Variants in PLXDC2 observed in about 807,000 individuals in gnomAD.
PLXDC2 encodes the protein plexin domain containing 2, also known as plexin domain-containing protein 2.
A neutral mutation model predicts 68.9 loss-of-function variants in PLXDC2; 40 were observed. The observed-to-expected ratio is 0.58, with a 90% CI of 0.45 to 0.76. PLXDC2 has a LOEUF of 0.76. Among genes scored for constraint, PLXDC2 ranks in the 30% least tolerant of loss-of-function variants. The pLI, the probability that PLXDC2 is intolerant of heterozygous loss-of-function variation, is 0.00. For missense variants in PLXDC2, 644 were observed against 661.9 expected (o/e 0.97, Z 0.30); for synonymous variants, 243 against 234.2 (o/e 1.04, Z -0.34).
At position 20,063,256 on chromosome 10, in the gene PLXDC2, C is replaced by T. The variant is rs185845228; in HGVS notation, c.472-4914C>T. Among the ~76,000 whole-genome samples, 578 of 152,252 alleles carry T rather than the reference C, an allele frequency of 3.8e-3. 1 individual carries two copies. Among genetic ancestry groups the T allele is most frequent in the Non-Finnish European group, 6.2e-3 (421 of 68,022 alleles). ...TCAGCAATTATTAAAATCACGGTGA[C>T]TACTAATTTTCTTCCTACAAGCCAC... On this transcript the variant is annotated intron_variant, in intron 3 of 13. Coordinates refer to ENST00000377252, the MANE Select transcript of PLXDC2 (RefSeq NM_032812.9).
chr10:20,132,523 T>G (rs1218614443), intron 4 of PLXDC2, among the ~76,000 whole-genome samples: 1 of 152,182 alleles, frequency 6.6e-6, no homozygotes, highest in Non-Finnish European at 1.5e-5. Context: ...TATATATTTA[T>G]GTTCTTAATA....
At chr10:19,824,723 A>G (rs1003547810) in intron 1 of PLXDC2, among the ~76,000 whole-genome samples, 14 of 152,208 alleles carry the variant, frequency 9.2e-5, no homozygotes, top group African/African-American at 3.4e-4. Context: ...TTATACATTA[A>G]CAGGATAATA....
In PLXDC2 at chr10:20,001,767, TCAAA is replaced by T; in HGVS notation, c.113-5_113-2del. The T allele has an allele frequency of 6.2e-7, 1 of 1,613,646 alleles. No individual in the cohort carries two copies. Among genetic ancestry groups the T allele is most frequent in the Non-Finnish European group, 8.5e-7 (1 of 1,179,658 alleles). ...AGTGGTAACCCATTTTCTTTCTTTT[TCAAA>T]CAGATTGGCAGTATGGAGTTACTCA... On this transcript the variant is annotated splice_polypyrimidine_tract_variant and splice_region_variant and intron_variant, in intron 1 of 13. Coordinates refer to ENST00000377252, the MANE Select transcript of PLXDC2 (RefSeq NM_032812.9).
intron 6 of PLXDC2, among the ~76,000 whole-genome samples, chr10:20,151,225 T>G (rs1834148435): frequency 6.6e-6 from 1 of 152,196 alleles, no homozygotes. Flanking sequence ...TAGAAGCTCC[T>G]GGCACTGCTG....
rs1216281926 is a variant in PLXDC2, at chr10:20,287,334, A to G, written c.*7515A>G. On this transcript the variant is annotated 3_prime_UTR_variant, in exon 14 of 14. Coordinates refer to ENST00000377252, the MANE Select transcript of PLXDC2 (RefSeq NM_032812.9). The stretch of plus-strand genomic sequence containing the variant: ...TTTATCTTCCTTTGACTTAAAAGGC[A>G]TGAAAATAAGGCAAAAAAATCAATA... 1 of 152,182 alleles carries G rather than the reference A, an allele frequency of 6.6e-6. No homozygotes were observed. The highest frequency in any genetic ancestry group is 1.5e-5 in the Non-Finnish European group (1 of 68,040). The allele number at this position is 152,182 out of a possible 1,614,324, so 9.4% of individuals were successfully genotyped here.
At chr10:20,075,949 A>G (rs1564306161) in intron 4 of PLXDC2, among the ~76,000 whole-genome samples, 1 of 152,196 alleles carries the variant, frequency 6.6e-6, no homozygotes, top group Non-Finnish European at 1.5e-5. Context: ...AGCATCATTC[A>G]TCTTCTTCCA....
At chr10:19,925,475 A>G (rs544345587) in intron 1 of PLXDC2, among the ~76,000 whole-genome samples, 1 of 152,230 alleles carries the variant, frequency 6.6e-6, no homozygotes, top group East Asian at 1.9e-4. Flanking sequence ...TAACATTTGC[A>G]TTCATATCTT....
intron 2 of PLXDC2, chr10:20,043,496 A>C (rs1416059396): frequency 1.3e-5 from 2 of 152,170 alleles, no homozygotes; most frequent in Non-Finnish European, 2.9e-5. Flanking sequence ...AGAAATCCAG[A>C]GATTAAGGAA....
chr10:20,251,171 A>G (rs768494845), intron 13 of PLXDC2, among the ~76,000 whole-genome samples: 1 of 152,098 alleles, frequency 6.6e-6, no homozygotes, highest in Non-Finnish European at 1.5e-5. Context: ...CTTATCTTCT[A>G]TATTGCTCCA....
At chr10:19,873,515 A>T in intron 1 of PLXDC2, among the ~76,000 whole-genome samples, 1 of 146,052 alleles carries the variant, frequency 6.8e-6, no homozygotes, top group African/African-American at 2.6e-5. Flanking sequence ...GGTTCAAGCC[A>T]TTCTCTCCAT....
intron 1 of PLXDC2, among the ~76,000 whole-genome samples, chr10:19,887,354 C>T (rs898885449): frequency 1.2e-4 from 19 of 152,216 alleles, no homozygotes; most frequent in African/African-American, 3.9e-4. Context: ...AACCCTGTCT[C>T]TACTAAAAAT....
chr10:19,851,408 AC>A (rs1201421235), intron 1 of PLXDC2, among the ~76,000 whole-genome samples: 1 of 151,976 alleles, frequency 6.6e-6, no homozygotes, highest in Non-Finnish European at 1.5e-5. Context: ...CCTGCAACTT[AC>A]CCCTCCTCAC....
intron 9 of PLXDC2, among the ~76,000 whole-genome samples, chr10:20,185,732 C>A (rs1195711149): frequency 1.3e-5 from 2 of 151,870 alleles, no homozygotes; most frequent in African/African-American, 4.8e-5. Context: ...ATGATTGTTT[C>A]ATATAAGGAA....
At chr10:20,072,424 G>GAGAAAGAAAGAAAGAAAGA (rs60778723) in intron 4 of PLXDC2, among the ~76,000 whole-genome samples, 1 of 130,230 alleles carries the variant, frequency 7.7e-6, no homozygotes. Flanking sequence ...GAAAGAAAGA[G>GAGAAAGAAAGAAAGAAAGA]AGAAAGAAAG....
intron 5 of PLXDC2, among the ~76,000 whole-genome samples, chr10:20,147,580 C>T (rs1258550987): frequency 6.6e-6 from 1 of 152,094 alleles, no homozygotes; most frequent in African/African-American, 2.4e-5. Flanking sequence ...TTCTATTTTA[C>T]TAAATATTTA....
At chr10:19,969,666 T>C (rs532539674) in intron 1 of PLXDC2, among the ~76,000 whole-genome samples, 1 of 152,312 alleles carries the variant, frequency 6.6e-6, no homozygotes, top group South Asian at 2.1e-4. Context: ...CTCTGAATAT[T>C]CATGAATGCT....
At chr10:19,844,966 G>T (rs1486439065) in intron 1 of PLXDC2, among the ~76,000 whole-genome samples, 10 of 152,124 alleles carry the variant, frequency 6.6e-5, no homozygotes, top group Admixed American at 5.9e-4. Context: ...CCCCAGTTTT[G>T]GTTCAGGATC....
chr10:19,905,437 G>T (rs984444849), intron 1 of PLXDC2, among the ~76,000 whole-genome samples: 46 of 152,146 alleles, frequency 3.0e-4, no homozygotes, highest in African/African-American at 1.1e-3. Context: ...TAGACTCTGG[G>T]AAATAAGCAA....
intron 12 of PLXDC2, among the ~76,000 whole-genome samples, chr10:20,240,568 G>T (rs1467949610): frequency 6.6e-6 from 1 of 152,042 alleles, no homozygotes; most frequent in Non-Finnish European, 1.5e-5. Flanking sequence ...TATCAATGAA[G>T]TGCTCCCTGC....
Sources: allele counts gnomAD v4.1 joint callset (sites outside exome capture counted in the v4.1 genomes callset), GRCh38; gene constraint gnomAD v4.1.1; transcripts MANE v1.5; gene names NCBI Gene and HGNC (gene_info 2026-07-23, HGNC 2026-07-21).